The following HECTD4 variants were observed in gnomAD, a reference collection of about 807,000 sequenced individuals.
The protein encoded by HECTD4 is HECT domain E3 ubiquitin protein ligase 4, also known as probable E3 ubiquitin-protein ligase HECTD4.
In HECTD4, 114 loss-of-function variants were observed where a neutral mutation model predicts 471.5. That is an observed-to-expected ratio of 0.24 (90% CI 0.21 to 0.28). The LOEUF is 0.28. Among genes scored for constraint, HECTD4 ranks in the 10% least tolerant of loss-of-function variants. HECTD4 has a pLI of 1.00. For missense variants in HECTD4, 3,866 were observed against 5,651.5 expected (o/e 0.68, Z 10.13); for synonymous variants, 2,012 against 2,256.0 (o/e 0.89, Z 3.07).
chr12:112,197,197 C>G (rs1405023431), intron 55 of HECTD4, among the ~76,000 whole-genome samples: 1 of 152,224 alleles, frequency 6.6e-6, no homozygotes, highest in Non-Finnish European at 1.5e-5. Flanking sequence ...CAGGCGTGAG[C>G]CACTGCGCCT....
chr12:112,189,210 G>A (rs1178548697), intron 60 of HECTD4, among the ~76,000 whole-genome samples: 1 of 152,052 alleles, frequency 6.6e-6, no homozygotes, highest in East Asian at 1.9e-4. Flanking sequence ...TTTAAAAATT[G>A]AGAAATTCAC....
chr12:112,247,652 G>A (rs190338800), intron 27 of HECTD4, 102 bp from the exon 28 acceptor site: 1 of 478,720 alleles, frequency 2.1e-6, no homozygotes, highest in Non-Finnish European at 3.6e-6. Context: ...ACCACCTTTG[G>A]TCCACATTTC....
intron 21 of HECTD4, 69 bp downstream of exon 21, chr12:112,256,251 G>C (rs950300112): frequency 1.7e-6 from 2 of 1,178,592 alleles, no homozygotes; most frequent in African/African-American, 3.1e-5. Flanking sequence ...CAGCAGCAAA[G>C]AAAAATAAGA....
At chr12:112,281,651 T>C (rs753391918) in intron 8 of HECTD4, among the ~76,000 whole-genome samples, 2 of 152,192 alleles carry the variant, frequency 1.3e-5, no homozygotes, top group African/African-American at 2.4e-5. Flanking sequence ...TTACCTTTGA[T>C]ACAAAAGAAG....
rs1305607466 is a variant in HECTD4, at chr12:112,243,853, C to T, written c.4649+21G>A. The stretch of plus-strand genomic sequence containing the variant: ...CATTCAGCTGCATGTGGGAACCCAA[C>T]CCCGGCCATTAGCCATTTACCTCTG... On this transcript the variant is annotated intron_variant, in intron 30 of 75. Coordinates refer to ENST00000682272, the MANE Select transcript of HECTD4 (RefSeq NM_001388303.1). This position sits in a 1 kb window ranked among gnomAD's most constrained non-coding sequence, Gnocchi z 6.6. The T allele has an allele frequency of 4.3e-5, 70 of 1,612,850 alleles. No homozygotes were observed. Among genetic ancestry groups the T allele is most frequent in the Non-Finnish European group, 5.3e-5 (63 of 1,179,068 alleles).
At position 112,239,019 on chromosome 12, in the gene HECTD4, C is replaced by T; in HGVS notation, c.5290+33G>A. On this transcript the variant is annotated intron_variant, in intron 34 of 75. Transcript: ENST00000682272. This position sits in a 1 kb window ranked among gnomAD's most constrained non-coding sequence, Gnocchi z 4.9. ...AAACTAACACACCAATAGAAGAAATCAGTGAGCTCTAGAAAGGAGTCTGGC... is the reference window on the plus strand; with the variant it reads ...AAACTAACACACCAATAGAAGAAATTAGTGAGCTCTAGAAAGGAGTCTGGC... 2.6e-6 allele frequency: 4 copies of T among 1,559,672 alleles called. No individual in the cohort carries two copies. The highest frequency in any genetic ancestry group is 3.5e-6 in the Non-Finnish European group (4 of 1,155,362).
At position 112,235,876 on chromosome 12, in the gene HECTD4, G is replaced by A. The variant is rs1183697765; in HGVS notation, c.5445-92C>T. The A allele has an allele frequency of 9.0e-7, 1 of 1,116,240 alleles. No individual in the cohort carries two copies. Among genetic ancestry groups the A allele is most frequent in the Non-Finnish European group, 1.3e-6 (1 of 794,914 alleles). The allele number at this position is 1,116,240 out of a possible 1,614,324, so 69.1% of individuals were successfully genotyped here. A position where few individuals can be genotyped will look rare whatever the true frequency, so the allele number is the denominator to read the frequency against. ...AGTTCTCTGAATGAAACAAACCAAT[G>A]AAATCTGATTTCACGAGGAATCATG... On this transcript the variant is annotated intron_variant, in intron 35 of 75. Coordinates refer to ENST00000682272, the MANE Select transcript of HECTD4 (RefSeq NM_001388303.1). This position sits in a 1 kb window ranked among gnomAD's most constrained non-coding sequence, Gnocchi z 5.0.
At chr12:112,257,907 C>T (rs189567856) in intron 20 of HECTD4, among the ~76,000 whole-genome samples, 5 of 152,166 alleles carry the variant, frequency 3.3e-5, no homozygotes, top group African/African-American at 4.8e-5. Context: ...AAGAAACAGC[C>T]GGCAGGGTGT....
chr12:112,250,461 CAT>C (rs1281369250), intron 24 of HECTD4, 84 bp from the exon 25 acceptor site: 1 of 930,264 alleles, frequency 1.1e-6, no homozygotes, highest in Non-Finnish European at 1.7e-6. Flanking sequence ...ATACATCAAA[CAT>C]ATGAAGGATC....
At chr12:112,200,513 G>T in intron 55 of HECTD4, 125 bp downstream of exon 55, 3 of 1,016,920 alleles carry the variant, frequency 3.0e-6, no homozygotes, top group Non-Finnish European at 2.8e-6. Flanking sequence ...TTTATTAGCT[G>T]CCTTCTCTAA....
Position 112,184,172 on chromosome 12 carries a change from C to T in HECTD4, c.10779+15G>A, listed in dbSNP as rs1276408907. ...GGTCATGATTTAGTGGTTGCAGAGGCTTGAAAGCTGTTACCTCCACGACTG... is the reference window on the plus strand; with the variant it reads ...GGTCATGATTTAGTGGTTGCAGAGGTTTGAAAGCTGTTACCTCCACGACTG... On this transcript the variant is annotated intron_variant, in intron 61 of 75. Coordinates refer to ENST00000682272, the MANE Select transcript of HECTD4 (RefSeq NM_001388303.1). The surrounding 1 kb of genome is among the most constrained non-coding windows in gnomAD (Gnocchi z 9.1). 6.3e-7 allele frequency: 1 copy of T among 1,592,132 alleles called. No homozygotes were observed. Among genetic ancestry groups the T allele is most frequent in the East Asian group, 2.2e-5 (1 of 44,706 alleles).
chr12:112,203,389 G>C, intron 54 of HECTD4: 1 of 380,794 alleles, frequency 2.6e-6, no homozygotes, highest in Non-Finnish European at 4.7e-6. Flanking sequence ...GGTAGAGGTG[G>C]TGTGGTCTGA....
intron 7 of HECTD4, among the ~76,000 whole-genome samples, chr12:112,304,815 C>A (rs748939168): frequency 6.6e-6 from 1 of 152,092 alleles, no homozygotes; most frequent in Non-Finnish European, 1.5e-5. Flanking sequence ...AGAAAAATAA[C>A]CTGCACAGTT....
At chr12:112,198,891 C>T (rs1425114344) in intron 55 of HECTD4, among the ~76,000 whole-genome samples, 1 of 152,018 alleles carries the variant, frequency 6.6e-6, no homozygotes, top group African/African-American at 2.4e-5. Context: ...CCCTCACAGG[C>T]AAGCTGTGTC....
chr12:112,255,357 C>A (rs1442069016), intron 21 of HECTD4, among the ~76,000 whole-genome samples: 1 of 152,138 alleles, frequency 6.6e-6, no homozygotes, highest in Admixed American at 6.6e-5. Context: ...TTTCTTGCTT[C>A]CAGCTAAGGT....
intron 1 of HECTD4, among the ~76,000 whole-genome samples, chr12:112,368,105 C>T (rs536553366): frequency 1.0e-3 from 155 of 152,274 alleles, no homozygotes; most frequent in African/African-American, 3.5e-3. Flanking sequence ...AAATACTTTG[C>T]AAATTATGCA....
rs1593964236 is a variant in HECTD4 at position 112,239,146 on chromosome 12, A to T, written c.5196T>A (p.Ser1732Arg). The T allele has an allele frequency of 6.2e-7, 1 of 1,613,880 alleles. No individual in the cohort carries two copies. The highest frequency in any genetic ancestry group is 2.2e-5 in the East Asian group (1 of 44,880). Residue 1732 changes from serine (S) to arginine (R), a missense_variant, in exon 34 of 76, where the codon AGT becomes AGA. Transcript: ENST00000682272. This position sits in a 1 kb window ranked among gnomAD's most constrained non-coding sequence, Gnocchi z 4.9. Reference sequence around the variant, plus strand: ...CCTTCTGCTTCTTGGTCTGTTTCTCACTGGAGCTGGACTCGGTCTGATTGC... The same window carrying T: ...CCTTCTGCTTCTTGGTCTGTTTCTCTCTGGAGCTGGACTCGGTCTGATTGC... ...SLSNQTESSS[S>R]EKQTKKQKVA...
intron 7 of HECTD4, among the ~76,000 whole-genome samples, chr12:112,285,598 T>C (rs2034734897): frequency 6.6e-6 from 1 of 152,174 alleles, no homozygotes; most frequent in Non-Finnish European, 1.5e-5. Context: ...TCCACCTGCC[T>C]TGTTTGCCAT....
intron 11 of HECTD4, 139 bp from the exon 12 acceptor site, chr12:112,270,598 A>T: frequency 1.4e-6 from 1 of 710,422 alleles, no homozygotes; most frequent in Middle Eastern, 3.7e-4. Flanking sequence ...GCTGCCAGAG[A>T]ACGCTTCTCC....
Sources: gnomAD v4.1 joint callset for allele counts (sites outside exome capture counted in the v4.1 genomes callset) on GRCh38, gnomAD v4.1.1 for gene constraint, Gnocchi (gnomAD v3.1) non-coding constraint, MANE v1.5 for transcripts, NCBI Gene and HGNC (gene_info 2026-07-23, HGNC 2026-07-21) for gene names.